Variants in PRELID2 observed in about 807,000 individuals in gnomAD.
PRELID2 encodes the protein PRELI domain-containing protein 2.
In PRELID2, 25 loss-of-function variants were observed where a neutral mutation model predicts 28.4. The ratio of observed to expected loss-of-function variants is 0.88; its 90% CI spans 0.64 to 1.23. The LOEUF (loss-of-function observed/expected upper bound fraction) is 1.23, where lower values mean the gene tolerates loss of function less well. Ranked by LOEUF, PRELID2 falls within the 50% of genes most tolerant of loss-of-function variation. The pLI, the probability that PRELID2 is intolerant of heterozygous loss-of-function variation, is 0.00. For missense variants in PRELID2, 201 were observed against 214.4 expected (o/e 0.94, Z 0.39); for synonymous variants, 76 against 71.6 (o/e 1.06, Z -0.31).
At chr5:145,542,495 C>T (rs999099137) in intron 1 of PRELID2, among the ~76,000 whole-genome samples, 2 of 152,076 alleles carry the variant, frequency 1.3e-5, no homozygotes, top group Non-Finnish European at 2.9e-5. Flanking sequence ...CAACATTGCG[C>T]TCATGGTACT....
rs541739961 is a variant in PRELID2, at chr5:145,518,420, G to A, written n.71-45105C>T. Among the ~76,000 whole-genome samples the A allele has an allele frequency of 1.6e-3, 249 of 152,096 alleles. 1 individual carries two copies. The highest frequency in any genetic ancestry group is 0.01 in the Middle Eastern group (3 of 294). On this transcript the variant is annotated intron_variant and non_coding_transcript_variant, in intron 1 of 2. Transcript: ENST00000510259. ...TTACCATATTGGCCAGGCTGGTCTC[G>A]AGTTCCTGACCTCGTGATCCTCCCA...
chr5:145,606,370 C>T (rs768029734), intron 1 of PRELID2, among the ~76,000 whole-genome samples: 2 of 152,018 alleles, frequency 1.3e-5, no homozygotes, highest in Non-Finnish European at 2.9e-5. Context: ...ATGCTTCCAG[C>T]TTTTACCCAT....
the PRELID2 span, among the ~76,000 whole-genome samples, chr5:145,397,493 AG>A: frequency 6.6e-6 from 1 of 152,230 alleles, no homozygotes; most frequent in Non-Finnish European, 1.5e-5. Flanking sequence ...AACAAACTGC[AG>A]GGTCAAAATA....
At chr5:145,622,880 T>G (rs1482606544) in intron 1 of PRELID2, among the ~76,000 whole-genome samples, 1 of 152,016 alleles carries the variant, frequency 6.6e-6, no homozygotes, top group Non-Finnish European at 1.5e-5. Flanking sequence ...AACACATTAT[T>G]TACTATAAAA....
the PRELID2 span, among the ~76,000 whole-genome samples, chr5:145,437,561 A>T: frequency 5.9e-5 from 9 of 152,210 alleles, no homozygotes; most frequent in East Asian, 1.7e-3. Context: ...AATAGTCCCC[A>T]CTACAATAGA....
chr5:145,716,873 T>C (rs1044320132), intron 1 of PRELID2, among the ~76,000 whole-genome samples: 7 of 152,160 alleles, frequency 4.6e-5, no homozygotes, highest in African/African-American at 1.7e-4. Flanking sequence ...TATTTCCATT[T>C]TGTTCTATTT....
chr5:145,826,213 A>C, intron 1 of PRELID2: 1 of 977,904 alleles, frequency 1.0e-6, no homozygotes, highest in Non-Finnish European at 1.2e-6. Flanking sequence ...ATCAAGTATT[A>C]ATATACAGAG....
the PRELID2 span, among the ~76,000 whole-genome samples, chr5:145,320,052 T>C: frequency 6.6e-6 from 1 of 152,240 alleles, no homozygotes; most frequent in East Asian, 1.9e-4. Flanking sequence ...ATTTGGATAT[T>C]TAGAAGATTC....
intron 1 of PRELID2, among the ~76,000 whole-genome samples, chr5:145,592,874 T>G (rs1480822571): frequency 6.6e-5 from 10 of 152,196 alleles, no homozygotes; most frequent in Admixed American, 5.2e-4. Flanking sequence ...AAGTCACCAA[T>G]AGGCACCAAT....
At chr5:145,606,812 T>A (rs764066916) in intron 1 of PRELID2, among the ~76,000 whole-genome samples, 2 of 152,138 alleles carry the variant, frequency 1.3e-5, no homozygotes, top group Non-Finnish European at 2.9e-5. Context: ...TTCTCAACCC[T>A]TTTGGAATAG....
At chr5:145,449,086 G>A in the PRELID2 span, among the ~76,000 whole-genome samples, 1 of 152,074 alleles carries the variant, frequency 6.6e-6, no homozygotes, top group African/African-American at 2.4e-5. Context: ...CCCTCGTATT[G>A]AGTAACAAAA....
At chr5:145,352,728 G>A in the PRELID2 span, among the ~76,000 whole-genome samples, 1 of 152,020 alleles carries the variant, frequency 6.6e-6, no homozygotes, top group Non-Finnish European at 1.5e-5. Context: ...AAACTTTTAT[G>A]TTCTGCTTCC....
chr5:145,342,895 A>T, the PRELID2 span, among the ~76,000 whole-genome samples: 1 of 111,778 alleles, frequency 8.9e-6, no homozygotes, highest in Admixed American at 1.0e-4. Flanking sequence ...CTTTAAGTCA[A>T]AAACAGTAAA....
At chr5:145,423,139 C>T in the PRELID2 span, among the ~76,000 whole-genome samples, 5 of 151,966 alleles carry the variant, frequency 3.3e-5, no homozygotes, top group Non-Finnish European at 7.4e-5. Flanking sequence ...GTGAGGGTAA[C>T]CCAACCTTTC....
intron 1 of PRELID2, among the ~76,000 whole-genome samples, chr5:145,582,710 T>C (rs1469760371): frequency 6.6e-6 from 1 of 151,938 alleles, no homozygotes; most frequent in Non-Finnish European, 1.5e-5. Context: ...AATGGATAAA[T>C]TACCAGACAC....
chr5:145,689,978 G>A (rs1755112665), intron 1 of PRELID2, among the ~76,000 whole-genome samples: 1 of 148,208 alleles, frequency 6.7e-6, no homozygotes, highest in African/African-American at 2.5e-5. Flanking sequence ...GTTTCCTTCT[G>A]TGGGGGTCTT....
chr5:145,517,856 G>C (rs1752529781), intron 1 of PRELID2, among the ~76,000 whole-genome samples: 1 of 152,026 alleles, frequency 6.6e-6, no homozygotes, highest in African/African-American at 2.4e-5. Context: ...ATGGATGAAG[G>C]TGGAAACCAT....
chr5:145,592,197 A>C (rs1753239195), intron 1 of PRELID2, among the ~76,000 whole-genome samples: 1 of 152,126 alleles, frequency 6.6e-6, no homozygotes, highest in African/African-American at 2.4e-5. Flanking sequence ...AGGGTGGATC[A>C]CAAGGTCAGG....
chr5:145,719,909 C>A (rs544393747), intron 1 of PRELID2, among the ~76,000 whole-genome samples: 2 of 151,140 alleles, frequency 1.3e-5, no homozygotes, highest in Non-Finnish European at 3.0e-5. Context: ...CAGAAATGTA[C>A]ATAAAACAGA....
Sources: gnomAD v4.1 joint callset for allele counts (sites outside exome capture counted in the v4.1 genomes callset) on GRCh38, gnomAD v4.1.1 for gene constraint, MANE v1.5 for transcripts, NCBI Gene and HGNC (gene_info 2026-07-23, HGNC 2026-07-21) for gene names.